WDR44: variants seen among roughly 807,000 people sequenced by gnomAD.
WDR44 encodes the protein WD repeat-containing protein 44.
Under a neutral mutation model 65.7 loss-of-function variants are expected in WDR44, and 9 were observed. The observed-to-expected ratio is 0.14, with a 90% CI of 0.08 to 0.24. The LOEUF (loss-of-function observed/expected upper bound fraction) is 0.24, where lower values mean the gene tolerates loss of function less well. Ranked by LOEUF, WDR44 falls within the 10% of genes least tolerant of loss-of-function variation. The pLI, the probability that WDR44 is intolerant of heterozygous loss-of-function variation, is 1.00. For synonymous variants in WDR44, 220 were observed against 235.2 expected, an observed-to-expected ratio of 0.94 and a Z score of 0.59; for missense variants, 425 against 670.9, an observed-to-expected ratio of 0.63 and a Z score of 4.05.
intron 13 of WDR44, chrX:118,436,453 T>C (rs2057255601): frequency 7.4e-6 from 3 of 403,344 alleles, no homozygotes; most frequent in South Asian, 2.8e-5. Context: ...TCTTTAGACA[T>C]TGATAAGATT....
At chrX:118,351,668 G>C in intron 1 of WDR44, among the ~76,000 whole-genome samples, 1 of 111,583 alleles carries the variant, frequency 9.0e-6, no homozygotes, top group South Asian at 3.8e-4. Context: ...AGTGACATCC[G>C]GCCGGGCACC....
Position 118,449,309 on chromosome X carries a change from A to G in WDR44, c.*322A>G, listed in dbSNP as rs896023363. 8.0e-6 allele frequency: 1 copy of G among 124,821 alleles called. No homozygotes were observed. Among genetic ancestry groups the G allele is most frequent in the African/African-American group, 3.2e-5 (1 of 31,447 alleles). 10.3% of individuals were successfully genotyped at this position (124,821 alleles called of 1,213,427 possible). A position where few individuals can be genotyped will look rare whatever the true frequency, so the allele number is the denominator to read the frequency against. On this transcript the variant is annotated 3_prime_UTR_variant, in exon 20 of 20. Coordinates refer to ENST00000254029, the MANE Select transcript of WDR44 (RefSeq NM_019045.5). ...TCACATGTATGTGCCTTTTGGTTAC[A>G]TGCATTAAATCTAACAGAGTTAAAT...
intron 3 of WDR44, among the ~76,000 whole-genome samples, chrX:118,389,575 G>T (rs2056800504): frequency 1.8e-5 from 2 of 109,566 alleles, no homozygotes; most frequent in African/African-American, 3.3e-5. Flanking sequence ...ACAAAAATTA[G>T]CTGGGCGTGG....
intron 1 of WDR44, among the ~76,000 whole-genome samples, chrX:118,356,184 C>T (rs1426424747): frequency 8.9e-6 from 1 of 111,917 alleles, no homozygotes; most frequent in African/African-American, 3.2e-5. Context: ...TTTTTATGCC[C>T]TTCATTTTAA....
chrX:118,369,240 C>T (rs759538792), intron 1 of WDR44, among the ~76,000 whole-genome samples: 1 of 110,378 alleles, frequency 9.1e-6, no homozygotes, highest in Non-Finnish European at 1.9e-5. Context: ...GGCCCTATCT[C>T]GGCTCACTGC....
chrX:118,394,563 G>C (rs908661007), intron 5 of WDR44, among the ~76,000 whole-genome samples: 1 of 104,678 alleles, frequency 9.6e-6, no homozygotes, highest in African/African-American at 3.4e-5. Flanking sequence ...CAGAATTGAA[G>C]ACTTTTTTTT....
At chrX:118,353,710 T>C (rs970517534) in intron 1 of WDR44, among the ~76,000 whole-genome samples, 3 of 112,514 alleles carry the variant, frequency 2.7e-5, no homozygotes, top group African/African-American at 9.7e-5. Flanking sequence ...CCCTTTATAA[T>C]AACAAGTAGA....
At chrX:118,395,674 G>T (rs2056859692) in intron 6 of WDR44, among the ~76,000 whole-genome samples, 2 of 111,730 alleles carry the variant, frequency 1.8e-5, no homozygotes, top group African/African-American at 6.5e-5. Context: ...TTGCATAGTG[G>T]AATAAATATA....
intron 19 of WDR44, 69 bp downstream of exon 19, chrX:118,444,563 A>G: frequency 9.1e-7 from 1 of 1,098,684 alleles, no homozygotes; most frequent in Non-Finnish European, 1.2e-6. Flanking sequence ...TCATTTGAGT[A>G]TAATAAGGTT....
At chrX:118,435,909 A>G (rs2057250701) in intron 13 of WDR44, among the ~76,000 whole-genome samples, 1 of 112,312 alleles carries the variant, frequency 8.9e-6, no homozygotes, top group Non-Finnish European at 1.9e-5. Context: ...TATGCGATCA[A>G]TGTCACCATT....
At position 118,346,448 on chromosome X, in the gene WDR44, G is replaced by A. The variant is rs2056350106; in HGVS notation, c.-56G>A. ...GTGGAGGTCGACGAGGAGGAGACAA[G>A]AGTCACCCTTCCTCCAGGCGGCGCC... On this transcript the variant is annotated 5_prime_UTR_variant, in exon 1 of 20. Transcript: ENST00000254029. 4 of 1,085,628 alleles carry A rather than the reference G, an allele frequency of 3.7e-6. No individual in the cohort carries two copies. The highest frequency in any genetic ancestry group is 3.1e-5 in the East Asian group (1 of 32,775). The allele number at this position is 1,085,628 out of a possible 1,213,427, so 89.5% of individuals were successfully genotyped here.
chrX:118,432,624 G>A lies in WDR44; in HGVS notation c.1738-157G>A, dbSNP rs1371060977. ...TAGGGCAAGGAGATGAAAGGAAGAG[G>A]TGCTAAGTAGTAAATCAGCATAAAG... On this transcript the variant is annotated intron_variant, in intron 12 of 19. Coordinates refer to ENST00000254029, the MANE Select transcript of WDR44 (RefSeq NM_019045.5). Among the ~76,000 whole-genome samples, 4 of 112,131 alleles carry A rather than the reference G, an allele frequency of 3.6e-5. No homozygotes were observed. The East Asian group carries it at 1.1e-3, about 31-fold the overall frequency.
chrX:118,411,213 A>AG (rs1243916056), intron 12 of WDR44, among the ~76,000 whole-genome samples: 2 of 111,423 alleles, frequency 1.8e-5, no homozygotes, highest in East Asian at 5.6e-4. Flanking sequence ...ATAATACAAA[A>AG]GCCCCTCCCC....
intron 1 of WDR44, among the ~76,000 whole-genome samples, chrX:118,363,149 A>C (rs1305861310): frequency 9.1e-6 from 1 of 109,297 alleles, no homozygotes; most frequent in African/African-American, 3.3e-5. Flanking sequence ...TAATCCCAGC[A>C]CTTTGGGAGG....
intron 2 of WDR44, 73 bp downstream of exon 2, chrX:118,378,525 C>A: frequency 9.5e-7 from 1 of 1,047,699 alleles, no homozygotes; most frequent in Non-Finnish European, 1.3e-6. Flanking sequence ...TGTAATTCTT[C>A]ATTTTCTTGC....
chrX:118,381,865 G>A lies in WDR44; in HGVS notation c.111+3413G>A, dbSNP rs779971857. 9.8e-4 allele frequency among the ~76,000 whole-genome samples: 105 copies of A among 107,024 alleles called. 1 individual carries two copies. Among genetic ancestry groups the A allele is most frequent in the Non-Finnish European group, 1.0e-3 (53 of 51,946 alleles). 92.9% of individuals were successfully genotyped at this position (107,024 alleles called of 115,157 possible). On this transcript the variant is annotated intron_variant, in intron 2 of 19. Coordinates refer to ENST00000254029, the MANE Select transcript of WDR44 (RefSeq NM_019045.5). The stretch of plus-strand genomic sequence containing the variant: ...ATTATAGGCATGAGCCACTGGGCCC[G>A]ACCAGTATATTTTTGTTTTTTGAAG...
chrX:118,368,483 T>TATATACC (rs1569359132), intron 1 of WDR44, among the ~76,000 whole-genome samples: 1 of 87,666 alleles, frequency 1.1e-5, no homozygotes, highest in African/African-American at 5.0e-5. Context: ...ATATATATAC[T>TATATACC]TCTTGAGGAC....
At chrX:118,363,435 A>T (rs5956954) in intron 1 of WDR44, among the ~76,000 whole-genome samples, 3 of 107,754 alleles carry the variant, frequency 2.8e-5, no homozygotes, top group Non-Finnish European at 3.8e-5. Flanking sequence ...AAAAAGAAAA[A>T]AATAGAAAAA....
At chrX:118,428,664 A>C (rs2057180409) in intron 12 of WDR44, among the ~76,000 whole-genome samples, 1 of 111,711 alleles carries the variant, frequency 9.0e-6, no homozygotes, top group South Asian at 3.8e-4. Context: ...AAGACCTAGA[A>C]CCAGAAATAC....
Sources: gnomAD v4.1 joint callset for allele counts (sites outside exome capture counted in the v4.1 genomes callset) on GRCh38, gnomAD v4.1.1 for gene constraint, MANE v1.5 for transcripts, NCBI Gene and HGNC (gene_info 2026-07-23, HGNC 2026-07-21) for gene names.